The following ZFHX3 variants were observed in gnomAD, a reference collection of about 807,000 sequenced individuals.
The protein encoded by ZFHX3 is zinc finger homeobox protein 3.
Under a neutral mutation model 279.1 loss-of-function variants are expected in ZFHX3, and 42 were observed. The observed-to-expected ratio is 0.15, with a 90% CI of 0.12 to 0.19. The LOEUF (loss-of-function observed/expected upper bound fraction) is 0.19. ZFHX3 is among the 10% of genes least tolerant of loss of function. ZFHX3 has a pLI of 1.00. For synonymous variants in ZFHX3, 2,293 were observed against 1,957.8 expected (o/e 1.17, Z -4.52); for missense variants, 4,981 against 4,754.0 (o/e 1.05, Z -1.40).
intron 1 of ZFHX3, among the ~76,000 whole-genome samples, chr16:73,836,740 C>G (rs761280019): frequency 6.6e-6 from 1 of 152,218 alleles, no homozygotes; most frequent in African/African-American, 2.4e-5. Context: ...CCAAAACTCA[C>G]GATGAAACTT....
intron 3 of ZFHX3, among the ~76,000 whole-genome samples, chr16:73,426,511 G>C (rs1381178718): frequency 6.8e-6 from 1 of 147,046 alleles, no homozygotes; most frequent in African/African-American, 2.6e-5. Flanking sequence ...CATAATGACA[G>C]AGTTTGAATG....
intron 1 of ZFHX3, among the ~76,000 whole-genome samples, chr16:73,703,876 A>G (rs1467050830): frequency 2.0e-5 from 3 of 152,170 alleles, no homozygotes; most frequent in African/African-American, 7.2e-5. Flanking sequence ...TGTTAAAAGT[A>G]GGGGAATAAA....
chr16:73,407,230 G>A (rs544811728), intron 3 of ZFHX3, among the ~76,000 whole-genome samples: 1 of 152,276 alleles, frequency 6.6e-6, no homozygotes, highest in South Asian at 2.1e-4. Context: ...TCGTGCAGAG[G>A]TTAGAAGCCT....
At chr16:73,838,251 G>C (rs926683632) in intron 1 of ZFHX3, among the ~76,000 whole-genome samples, 3 of 152,212 alleles carry the variant, frequency 2.0e-5, no homozygotes, top group Non-Finnish European at 1.5e-5. Flanking sequence ...GCTGTGGCCA[G>C]AGCTGTAGCC....
rs556244601 is a variant in ZFHX3, at chr16:73,717,476, C to T, written c.-1607-37236G>A. Among the ~76,000 whole-genome samples the T allele has an allele frequency of 3.3e-5, 5 of 152,272 alleles. No homozygotes were observed. In the East Asian group the frequency reaches 5.8e-4, roughly 18 times the overall value. On this transcript the variant is annotated intron_variant, in intron 1 of 17. Coordinates refer to the ZFHX3 transcript ENST00000641206. ...TAATCAGCATGTGAATGTAAATATA[C>T]CTAACCTCAAATATTTCTTAAGATG... is the stretch of plus-strand genomic sequence containing the variant.
chr16:73,425,256 C>T (rs533271849), intron 3 of ZFHX3, among the ~76,000 whole-genome samples: 16 of 152,312 alleles, frequency 1.1e-4, no homozygotes, highest in African/African-American at 3.4e-4. Flanking sequence ...TCTCTCTCCC[C>T]AGTCTTGTGC....
At chr16:73,083,300 T>A (rs2144768150) in intron 8 of ZFHX3, 1 of 152,382 alleles carries the variant, frequency 6.6e-6, no homozygotes, top group African/African-American at 2.4e-5. Flanking sequence ...AGCTTACTGC[T>A]AATGAGACCT....
At chr16:73,575,078 C>T (rs1049025337) in intron 2 of ZFHX3, among the ~76,000 whole-genome samples, 4 of 152,298 alleles carry the variant, frequency 2.6e-5, no homozygotes, top group East Asian at 3.9e-4. Context: ...AAGCCAGTGG[C>T]GCACAGTTTG....
At chr16:73,755,738 G>A (rs1176496892) in intron 1 of ZFHX3, among the ~76,000 whole-genome samples, 1 of 152,174 alleles carries the variant, frequency 6.6e-6, no homozygotes, top group East Asian at 1.9e-4. Flanking sequence ...GGGCTCAGCT[G>A]CTTATCAAAA....
intron 3 of ZFHX3, among the ~76,000 whole-genome samples, chr16:73,453,198 G>A (rs1452428390): frequency 6.6e-6 from 1 of 152,224 alleles, no homozygotes; most frequent in Non-Finnish European, 1.5e-5. Context: ...TTGTCGGTTG[G>A]CCCTCTGGGC....
chr16:72,811,108 C>G (rs544300241), intron 7 of ZFHX3, among the ~76,000 whole-genome samples: 1 of 152,116 alleles, frequency 6.6e-6, no homozygotes, highest in Non-Finnish European at 1.5e-5. Context: ...TGGTCTCAAA[C>G]TCCTGGCCTC....
At chr16:73,684,336 TTGTGTG>T (rs10637195) in intron 1 of ZFHX3, among the ~76,000 whole-genome samples, 2 of 149,720 alleles carry the variant, frequency 1.3e-5, no homozygotes, top group African/African-American at 2.5e-5. Flanking sequence ...GTGTGTGTGT[TTGTGTG>T]TGTGTGTGTG....
intron 4 of ZFHX3, among the ~76,000 whole-genome samples, chr16:73,282,596 T>C (rs1210989534): frequency 1.3e-5 from 2 of 152,226 alleles, no homozygotes; most frequent in African/African-American, 4.8e-5. Flanking sequence ...CTCACTACGA[T>C]TAAATTAAGC....
At chr16:73,033,408 C>A (rs1304755684) in intron 1 of ZFHX3, among the ~76,000 whole-genome samples, 2 of 152,162 alleles carry the variant, frequency 1.3e-5, no homozygotes, top group Non-Finnish European at 2.9e-5. Context: ...TCCCCCGCCG[C>A]CCCCCAGCAC....
intron 2 of ZFHX3, among the ~76,000 whole-genome samples, chr16:73,599,669 G>A (rs571510711): frequency 6.6e-6 from 1 of 151,186 alleles, no homozygotes; most frequent in South Asian, 2.1e-4. Flanking sequence ...AATGATGGCA[G>A]CTGATTGAGA....
rs376268270 is a variant in ZFHX3 at position 72,950,933 on chromosome 16, C to G, written c.2752G>C (p.Gly918Arg). The G allele has an allele frequency of 3.7e-6, 6 of 1,613,834 alleles. No individual in the cohort carries two copies. In the African/African-American group the frequency reaches 5.3e-5, roughly 14 times the overall value. The part of the protein sequence containing the change: ...GGEIPLDMRL[G>R]GGQLVSEELM... ...TCCTCTGACACCAGCTGCCCGCCCC[C>G]GAGCCGCATGTCTAGGGGGATCTCA... Residue 918 changes from glycine to arginine, a missense_variant, in exon 3 of 10, where the codon GGG becomes CGG. By Grantham distance (125) the Gly-to-Arg change is moderately radical. Coordinates refer to ENST00000268489, the MANE Select transcript of ZFHX3 (RefSeq NM_006885.4).
intron 1 of ZFHX3, among the ~76,000 whole-genome samples, chr16:73,813,195 C>A (rs1241675141): frequency 6.6e-6 from 1 of 151,836 alleles, no homozygotes; most frequent in Non-Finnish European, 1.5e-5. Context: ...TCTCCTCATC[C>A]CCTGCCAACT....
intron 2 of ZFHX3, among the ~76,000 whole-genome samples, chr16:73,461,968 A>G (rs1446751231): frequency 2.0e-5 from 3 of 152,180 alleles, no homozygotes; most frequent in Non-Finnish European, 2.9e-5. Context: ...GAAAATTGAC[A>G]TCTTTCCTAT....
intron 1 of ZFHX3, among the ~76,000 whole-genome samples, chr16:73,004,030 A>T (rs1484715123): frequency 6.6e-6 from 1 of 151,886 alleles, no homozygotes; most frequent in South Asian, 2.1e-4. Flanking sequence ...CGTTAAAACA[A>T]TGAGGTCTCA....
Sources: allele counts gnomAD v4.1 joint callset (sites outside exome capture counted in the v4.1 genomes callset), GRCh38; gene constraint gnomAD v4.1.1; transcripts MANE v1.5; gene names NCBI Gene and HGNC (gene_info 2026-07-23, HGNC 2026-07-21).